SPARCL1: variants seen among roughly 807,000 people sequenced by gnomAD.
SPARCL1 encodes SPARC-like protein 1.
SPARCL1 carries 52 observed loss-of-function variants against 67.1 expected under a neutral mutation model. That is an observed-to-expected ratio of 0.78 (90% confidence interval 0.62 to 0.98). The LOEUF (loss-of-function observed/expected upper bound fraction) is 0.98, where lower values mean the gene tolerates loss of function less well. SPARCL1 is among the 50% of genes least tolerant of loss of function. The pLI, the probability that SPARCL1 is intolerant of heterozygous loss-of-function variation, is 0.00. For synonymous variants in SPARCL1, 226 were observed against 267.8 expected (o/e 0.84, Z 1.52); for missense variants, 717 against 782.4 (o/e 0.92, Z 1.00).
chr4:87,513,163 C>T lies in SPARCL1; in HGVS notation c.-11-13578G>A, dbSNP rs570546739. Among the ~76,000 whole-genome samples, 4 of 152,332 alleles carry T rather than the reference C, an allele frequency of 2.6e-5. No individual in the cohort carries two copies. The East Asian group carries it at 7.7e-4, about 29-fold the overall frequency. On this transcript the variant is annotated intron_variant, in intron 1 of 10. Coordinates refer to ENST00000282470, the MANE Select transcript of SPARCL1 (RefSeq NM_004684.6). ...ACTTATTAAGATGGATTTAGTTATA[C>T]ATTCCTTGTATTTATTTAGCATTTC... is the stretch of plus-strand genomic sequence containing the variant.
intron 8 of SPARCL1, among the ~76,000 whole-genome samples, chr4:87,480,956 G>T (rs1157213421): frequency 2.0e-5 from 3 of 151,812 alleles, no homozygotes; most frequent in Non-Finnish European, 4.4e-5. Flanking sequence ...TCCATCCAGT[G>T]CCCACTCAGT....
At chr4:87,525,405 A>G (rs1447194140) in intron 1 of SPARCL1, among the ~76,000 whole-genome samples, 2 of 152,214 alleles carry the variant, frequency 1.3e-5, no homozygotes, top group Non-Finnish European at 2.9e-5. Flanking sequence ...AGAAGGTATG[A>G]GTGCCAGGAT....
intron 8 of SPARCL1, 121 bp downstream of exon 8, chr4:87,482,303 G>T: frequency 2.0e-6 from 2 of 1,015,102 alleles, no homozygotes; most frequent in Non-Finnish European, 2.9e-6. Context: ...TGGGCTAACC[G>T]GGCATGGGGA....
chr4:87,479,446 G>A lies in SPARCL1; in HGVS notation c.1950C>T (p.Cys650=), dbSNP rs1313235841. Residue 650 remains cysteine, a synonymous_variant, in exon 10 of 11, where the codon TGC becomes TGT. Coordinates refer to ENST00000282470, the MANE Select transcript of SPARCL1 (RefSeq NM_004684.6). ...TGAATTTACCTTCTTTAATTCCAAA[G>A]CAGTGGCCCCACTCCTTCAGGGTGA... ...KHITLKEWGH[C]FGIKEEDIDE... 1 of 1,613,448 alleles carries A rather than the reference G, an allele frequency of 6.2e-7. No homozygotes were observed. Among genetic ancestry groups the A allele is most frequent in the Non-Finnish European group, 8.5e-7 (1 of 1,179,950 alleles).
chr4:87,482,645 C>T, intron 7 of SPARCL1, 85 bp from the exon 8 acceptor site: 1 of 1,469,016 alleles, frequency 6.8e-7, no homozygotes, highest in South Asian at 1.2e-5. Flanking sequence ...TTAACGACTT[C>T]TGGCAACTGA....
intron 7 of SPARCL1, among the ~76,000 whole-genome samples, chr4:87,489,034 G>C (rs1239697500): frequency 1.3e-5 from 2 of 152,192 alleles, no homozygotes; most frequent in Non-Finnish European, 2.9e-5. Flanking sequence ...GCTCTGTGGG[G>C]GTGGGATCCA....
intron 1 of SPARCL1, among the ~76,000 whole-genome samples, chr4:87,503,982 A>G (rs1048733992): frequency 5.3e-5 from 8 of 152,184 alleles, no homozygotes; most frequent in Admixed American, 3.9e-4. Context: ...AAACAGGGCT[A>G]TAGCATAGAC....
rs772249548 is a variant in SPARCL1, at chr4:87,490,262, C to T, written c.1531+11G>A. On this transcript the variant is annotated intron_variant, in intron 7 of 10. Transcript: ENST00000282470. ...CAGAGATGATGGTTGACAGGAGGGA[C>T]ATAATCTTACATTTGCAGGCTCCAA... 3.6e-5 allele frequency: 58 copies of T among 1,602,038 alleles called. No individual in the cohort carries two copies. Among genetic ancestry groups the T allele is most frequent in the Non-Finnish European group, 4.7e-5 (55 of 1,176,318 alleles).
At chr4:87,525,028 T>A (rs1470040193) in intron 1 of SPARCL1, among the ~76,000 whole-genome samples, 2 of 151,884 alleles carry the variant, frequency 1.3e-5, no homozygotes, top group Non-Finnish European at 2.9e-5. Flanking sequence ...CCAGGCATGG[T>A]AGTACATGCC....
chr4:87,480,322 T>C (rs777751687), intron 9 of SPARCL1, 50 bp downstream of exon 9: 1 of 1,473,036 alleles, frequency 6.8e-7, no homozygotes, highest in Admixed American at 2.1e-5. Flanking sequence ...GATATGTAGA[T>C]ATTTTATCAG....
intron 1 of SPARCL1, among the ~76,000 whole-genome samples, chr4:87,521,044 G>C (rs1039245700): frequency 1.3e-5 from 2 of 152,042 alleles, no homozygotes; most frequent in Non-Finnish European, 2.9e-5. Context: ...CGGTACTATG[G>C]TTTATTTTGC....
At position 87,493,686 on chromosome 4, in the gene SPARCL1, C is replaced by T. The variant is rs756941848; in HGVS notation, c.1114G>A (p.Glu372Lys). 1.3e-5 allele frequency: 21 copies of T among 1,614,116 alleles called. No individual in the cohort carries two copies. Among genetic ancestry groups the T allele is most frequent in the East Asian group, 6.7e-5 (3 of 44,868 alleles). Reference protein sequence around the residue: ...FIPSQAFLEAERAQSIAYHLK... With the variant: ...FIPSQAFLEAKRAQSIAYHLK... ...TGATAGGCAATGGATTGAGCTCTCT[C>T]GGCCTCCAGAAAGGCCTGGCTTGGG... Residue 372 changes from glutamate (E) to lysine (K), a missense_variant, in exon 4 of 11, where the codon GAG (glutamate) becomes AAG (lysine). By Grantham distance (56) the Glu-to-Lys change is moderately conservative. Coordinates refer to ENST00000282470, the MANE Select transcript of SPARCL1 (RefSeq NM_004684.6).
At chr4:87,490,023 T>A (rs1724248225) in intron 7 of SPARCL1, among the ~76,000 whole-genome samples, 1 of 152,214 alleles carries the variant, frequency 6.6e-6, no homozygotes, top group Admixed American at 6.5e-5. Flanking sequence ...GGCTGCACAT[T>A]AGAATTGTCT....
At position 87,482,428 on chromosome 4, in the gene SPARCL1, T is replaced by G; in HGVS notation, c.1664A>C (p.Asn555Thr). The G allele has an allele frequency of 6.2e-7, 1 of 1,613,466 alleles. No individual in the cohort carries two copies. The highest frequency in any genetic ancestry group is 8.5e-7 in the Non-Finnish European group (1 of 1,179,852). ...GCTAACCTGTGGATAACTTACTTTATTTCTCTGCTTCTCATTTAGATAACC... is the reference window on the plus strand; with the variant it reads ...GCTAACCTGTGGATAACTTACTTTAGTTCTCTGCTTCTCATTTAGATAACC... The part of the protein sequence containing the change: ...HAGYLNEKQR[N>T]KVKKIYLDEK... Residue 555 changes from asparagine (N) to threonine (T), a missense_variant, in exon 8 of 11, where the codon AAT (asparagine) becomes ACT (threonine). Transcript: ENST00000282470.
At chr4:87,484,655 A>G (rs1228666291) in intron 7 of SPARCL1, among the ~76,000 whole-genome samples, 2 of 152,130 alleles carry the variant, frequency 1.3e-5, no homozygotes, top group African/African-American at 4.8e-5. Context: ...GATTGAATCT[A>G]TAAATTACTT....
chr4:87,508,172 G>A (rs1725183559), intron 1 of SPARCL1, among the ~76,000 whole-genome samples: 1 of 152,062 alleles, frequency 6.6e-6, no homozygotes. Flanking sequence ...AAGGCTGAGT[G>A]GGGAAACCCG....
In SPARCL1 at chr4:87,480,683, G is replaced by T. The variant is rs142523366; in HGVS notation, c.1669-163C>A. Among the ~76,000 whole-genome samples the T allele has an allele frequency of 4.0e-4, 61 of 152,208 alleles. 1 individual carries two copies. The East Asian group carries it at 9.3e-3, about 23-fold the overall frequency. On this transcript the variant is annotated intron_variant, in intron 8 of 10. Coordinates refer to ENST00000282470, the MANE Select transcript of SPARCL1 (RefSeq NM_004684.6). ...AAATTCCTTCCAATCAATACTACAG[G>T]CCTTTCTCATGTCTACACAGAATAG...
At chr4:87,520,207 A>G (rs548777991) in intron 1 of SPARCL1, among the ~76,000 whole-genome samples, 6 of 139,270 alleles carry the variant, frequency 4.3e-5, no homozygotes, top group African/African-American at 1.7e-4. Context: ...ACCACTGCAC[A>G]CTGTACTCTA....
Position 87,481,216 on chromosome 4 carries a change from A to G in SPARCL1, c.1669-696T>C, listed in dbSNP as rs114636177. On this transcript the variant is annotated intron_variant, in intron 8 of 10. Coordinates refer to ENST00000282470, the MANE Select transcript of SPARCL1 (RefSeq NM_004684.6). ...CTCCCTGCGACCTTCCTGTGCTCCT[A>G]ACCTAAGTCCAATCCCTCTCCTCTG... Among the ~76,000 whole-genome samples the G allele has an allele frequency of 3.4e-3, 520 of 152,154 alleles. 6 individuals are homozygous for G. Among genetic ancestry groups the G allele is most frequent in the African/African-American group, 0.012 (489 of 41,510 alleles).
Sources: gnomAD v4.1 joint callset for allele counts (sites outside exome capture counted in the v4.1 genomes callset) on GRCh38, gnomAD v4.1.1 for gene constraint, MANE v1.5 for transcripts, NCBI Gene and HGNC (gene_info 2026-07-23, HGNC 2026-07-21) for gene names.